AUTS2: variants seen among roughly 807,000 people sequenced by gnomAD.
The protein encoded by AUTS2 is activator of transcription and developmental regulator AUTS2.
Under a neutral mutation model 112.4 loss-of-function variants are expected in AUTS2, and 17 were observed. The ratio of observed to expected loss-of-function variants is 0.15; its 90% CI spans 0.10 to 0.23. The LOEUF (loss-of-function observed/expected upper bound fraction) is 0.23, where lower values mean the gene tolerates loss of function less well. Among genes scored for constraint, AUTS2 ranks in the 10% least tolerant of loss-of-function variants. The pLI is 1.00. For synonymous variants in AUTS2, 751 were observed against 702.7 expected (o/e 1.07, Z -1.09); for missense variants, 1,510 against 1,701.6 (o/e 0.89, Z 1.98).
intron 2 of AUTS2, among the ~76,000 whole-genome samples, chr7:70,018,870 A>G (rs1800148228): frequency 6.6e-6 from 1 of 152,222 alleles, no homozygotes; most frequent in Non-Finnish European, 1.5e-5. Context: ...TCAAAGACCT[A>G]AAAACAGAAA....
chr7:70,785,604 C>T, intron 16 of AUTS2: 1 of 435,534 alleles, frequency 2.3e-6, no homozygotes, highest in East Asian at 6.5e-5. Flanking sequence ...ATTCAGATGC[C>T]ACCTCCTTTC....
chr7:70,340,195 C>CACACACACACACACACACA (rs1562892230), intron 4 of AUTS2, among the ~76,000 whole-genome samples: 4 of 150,480 alleles, frequency 2.7e-5, no homozygotes, highest in East Asian at 1.9e-4. Context: ...CACACACACA[C>CACACACACACACACACACA]CCCGTAATAA....
chr7:70,731,386 T>G (rs2129552710), intron 6 of AUTS2, among the ~76,000 whole-genome samples: 1 of 147,212 alleles, frequency 6.8e-6, no homozygotes. Context: ...AGAATAAGAA[T>G]AGCACAAAGC....
At chr7:70,655,317 C>A (rs1445422092) in intron 5 of AUTS2, among the ~76,000 whole-genome samples, 1 of 152,210 alleles carries the variant, frequency 6.6e-6, no homozygotes, top group East Asian at 1.9e-4. Flanking sequence ...TAACAGAAAA[C>A]CCAGATGACT....
chr7:69,941,275 A>G (rs1554408959), intron 2 of AUTS2, among the ~76,000 whole-genome samples: 1 of 152,144 alleles, frequency 6.6e-6, no homozygotes, highest in Non-Finnish European at 1.5e-5. Context: ...CAACAGTGGG[A>G]GGGACGGATG....
At chr7:70,434,931 A>T (rs1562955309) in intron 4 of AUTS2, among the ~76,000 whole-genome samples, 2 of 152,098 alleles carry the variant, frequency 1.3e-5, no homozygotes, top group Non-Finnish European at 2.9e-5. Context: ...AAAACACTTC[A>T]TTTTTTTTAA....
At chr7:70,153,470 T>C (rs1807567968) in intron 4 of AUTS2, among the ~76,000 whole-genome samples, 1 of 152,178 alleles carries the variant, frequency 6.6e-6, no homozygotes, top group Non-Finnish European at 1.5e-5. Context: ...TAAACTTTTG[T>C]AGGTGATGGG....
At chr7:70,004,689 C>T (rs929954267) in intron 2 of AUTS2, among the ~76,000 whole-genome samples, 3 of 151,112 alleles carry the variant, frequency 2.0e-5, no homozygotes, top group Non-Finnish European at 2.9e-5. Flanking sequence ...TTTTTGGGGC[C>T]GGGTGCAGTA....
chr7:70,636,541 C>T (rs148276396), intron 5 of AUTS2, among the ~76,000 whole-genome samples: 131 of 152,258 alleles, frequency 8.6e-4, no homozygotes, highest in African/African-American at 3.1e-3. Flanking sequence ...TTAGAAAAAA[C>T]ACGGAACTTT....
At chr7:69,957,856 C>G (rs544481416) in intron 2 of AUTS2, among the ~76,000 whole-genome samples, 3 of 151,846 alleles carry the variant, frequency 2.0e-5, no homozygotes, top group Non-Finnish European at 2.9e-5. Flanking sequence ...TCCCCTTTCT[C>G]CTGGCATAGC....
chr7:70,087,632 G>C (rs1803681412), intron 2 of AUTS2, among the ~76,000 whole-genome samples: 2 of 152,050 alleles, frequency 1.3e-5, no homozygotes, highest in African/African-American at 4.8e-5. Context: ...GCCTCCCAAA[G>C]TGCTGGGCTT....
At chr7:70,131,316 G>A (rs192441852) in intron 3 of AUTS2, among the ~76,000 whole-genome samples, 1 of 152,048 alleles carries the variant, frequency 6.6e-6, no homozygotes, top group South Asian at 2.1e-4. Context: ...GCACAGTATC[G>A]CATGCCTGTA....
Position 70,004,326 on chromosome 7 carries a change from T to A in AUTS2, c.522+104828T>A, listed in dbSNP as rs1053740268. ...ATGTGACTATATATTATATATATAA[T>A]ATATATATGAATATATATTCATATA... On this transcript the variant is annotated intron_variant, in intron 2 of 18. Coordinates refer to ENST00000342771, the MANE Select transcript of AUTS2 (RefSeq NM_015570.4). Among the ~76,000 whole-genome samples the A allele has an allele frequency of 2.0e-3, 262 of 133,066 alleles. 1 individual carries two copies. The highest frequency in any genetic ancestry group is 6.6e-3 in the African/African-American group (242 of 36,732). 87.3% of individuals were successfully genotyped at this position (133,066 alleles called of 152,430 possible).
chr7:70,773,176 C>G (rs976236208), intron 11 of AUTS2, among the ~76,000 whole-genome samples: 28 of 152,268 alleles, frequency 1.8e-4, no homozygotes, highest in African/African-American at 4.6e-4. Flanking sequence ...TCTTTTCCCC[C>G]CCTTCTCCTT....
chr7:70,748,531 T>C (rs1184957331), intron 6 of AUTS2, among the ~76,000 whole-genome samples: 2 of 152,220 alleles, frequency 1.3e-5, no homozygotes, highest in African/African-American at 2.4e-5. Context: ...GGTGTGGAGA[T>C]TCTTCATTTA....
rs559517538 is a variant in AUTS2 at position 70,767,827 on chromosome 7, G to T, written c.1690-197G>T. On this transcript the variant is annotated intron_variant, in intron 9 of 18. Transcript: ENST00000342771. ...CGTGCAGAACTAAAACGTACCACTT[G>T]GTTTTTAATTTTGTTCTTCCATTTC... Among the ~76,000 whole-genome samples the T allele has an allele frequency of 3.3e-5, 5 of 152,278 alleles. No homozygotes were observed. In the South Asian group the frequency reaches 6.2e-4, roughly 19 times the overall value.
At chr7:69,791,090 C>G (rs1789589449) in intron 1 of AUTS2, among the ~76,000 whole-genome samples, 1 of 152,224 alleles carries the variant, frequency 6.6e-6, no homozygotes, top group African/African-American at 2.4e-5. Context: ...CTCATAGTTT[C>G]TGATGCCATC....
intron 2 of AUTS2, among the ~76,000 whole-genome samples, chr7:69,920,418 C>G (rs1049812798): frequency 6.6e-6 from 1 of 151,990 alleles, no homozygotes; most frequent in Non-Finnish European, 1.5e-5. Context: ...CCCTAAGCAG[C>G]TGGTACTACA....
chr7:70,538,290 G>C (rs1046634939), intron 5 of AUTS2, among the ~76,000 whole-genome samples: 1 of 152,250 alleles, frequency 6.6e-6, no homozygotes, highest in East Asian at 1.9e-4. Context: ...CACTTTGAGA[G>C]GTCAAGGCAG....
Sources: allele counts gnomAD v4.1 joint callset (sites outside exome capture counted in the v4.1 genomes callset), GRCh38; gene constraint gnomAD v4.1.1; transcripts MANE v1.5; gene names NCBI Gene and HGNC (gene_info 2026-07-23, HGNC 2026-07-21).